CDH4: variants seen among roughly 807,000 people sequenced by gnomAD.
CDH4 encodes cadherin-4.
Under a neutral mutation model 86.0 loss-of-function variants are expected in CDH4, and 33 were observed. The ratio of observed to expected loss-of-function variants is 0.38; its 90% CI spans 0.29 to 0.51. The LOEUF is 0.51. Ranked by LOEUF, CDH4 falls within the 20% of genes least tolerant of loss-of-function variation. The pLI, the probability that CDH4 is intolerant of heterozygous loss-of-function variation, is 0.86. For missense variants in CDH4, 1,114 were observed against 1,307.4 expected, an observed-to-expected ratio of 0.85 and a Z score of 2.28; for synonymous variants, 555 against 549.4, an observed-to-expected ratio of 1.01 and a Z score of -0.14.
chr20:61,255,845 T>C (rs1458696468), intron 2 of CDH4, among the ~76,000 whole-genome samples: 1 of 152,196 alleles, frequency 6.6e-6, no homozygotes, highest in Non-Finnish European at 1.5e-5. Flanking sequence ...GTGAAGTGAT[T>C]TTTCAGATCC....
At chr20:61,753,923 G>T (rs2088528080) in intron 3 of CDH4, among the ~76,000 whole-genome samples, 1 of 152,080 alleles carries the variant, frequency 6.6e-6, no homozygotes, top group Non-Finnish European at 1.5e-5. Flanking sequence ...GGAAATAGGG[G>T]GTTTGCCGAT....
intron 2 of CDH4, among the ~76,000 whole-genome samples, chr20:61,677,069 T>C (rs2145852588): frequency 6.6e-6 from 1 of 152,310 alleles, no homozygotes; most frequent in South Asian, 2.1e-4. Flanking sequence ...CCTTGTCACC[T>C]GTCATGAGGA....
chr20:61,457,415 T>A (rs1316577100), intron 2 of CDH4, among the ~76,000 whole-genome samples: 1 of 152,206 alleles, frequency 6.6e-6, no homozygotes, highest in Non-Finnish European at 1.5e-5. Context: ...CCTGAGAAAT[T>A]CAACTCCCAA....
intron 2 of CDH4, among the ~76,000 whole-genome samples, chr20:61,678,654 A>C (rs1022597398): frequency 6.6e-6 from 1 of 152,142 alleles, no homozygotes; most frequent in African/African-American, 2.4e-5. Flanking sequence ...GGGAGTCTGA[A>C]ATCCAGGTGT....
intron 3 of CDH4, among the ~76,000 whole-genome samples, chr20:61,768,444 T>C (rs574017570): frequency 6.6e-6 from 1 of 152,310 alleles, no homozygotes; most frequent in African/African-American, 2.4e-5. Context: ...TTTCTGGTAA[T>C]GGTGTAGTAG....
At chr20:61,880,607 A>C (rs1316550890) in intron 7 of CDH4, among the ~76,000 whole-genome samples, 1 of 152,146 alleles carries the variant, frequency 6.6e-6, no homozygotes, top group Non-Finnish European at 1.5e-5. Context: ...GGCGTCCCCC[A>C]AGTGTGGGGC....
intron 2 of CDH4, among the ~76,000 whole-genome samples, chr20:61,546,482 C>T (rs951779874): frequency 3.3e-5 from 5 of 151,700 alleles, no homozygotes; most frequent in African/African-American, 9.7e-5. Flanking sequence ...TCCAGTGACT[C>T]GCAACATTTT....
intron 6 of CDH4, among the ~76,000 whole-genome samples, chr20:61,858,953 G>A (rs142448027): frequency 6.6e-5 from 10 of 152,270 alleles, no homozygotes; most frequent in African/African-American, 1.7e-4. Flanking sequence ...GGGTCATCTC[G>A]GGAGCAGGCG....
intron 2 of CDH4, among the ~76,000 whole-genome samples, chr20:61,387,675 G>C (rs761265640): frequency 3.9e-5 from 6 of 152,220 alleles, no homozygotes; most frequent in Admixed American, 6.5e-5. Flanking sequence ...CTGTGCTCAG[G>C]TACGTAATTA....
intron 2 of CDH4, among the ~76,000 whole-genome samples, chr20:61,466,946 A>G (rs898807844): frequency 2.6e-5 from 4 of 152,156 alleles, no homozygotes; most frequent in Non-Finnish European, 5.9e-5. Context: ...TAGTTGCTAA[A>G]AGCATTGGTT....
At chr20:61,615,751 TC>T (rs1372393218) in intron 2 of CDH4, among the ~76,000 whole-genome samples, 1 of 152,196 alleles carries the variant, frequency 6.6e-6, no homozygotes, top group Non-Finnish European at 1.5e-5. Context: ...TTCTATGAAA[TC>T]AGCATGTATA....
chr20:61,726,385 A>G (rs1228760829), intron 2 of CDH4, among the ~76,000 whole-genome samples: 1 of 152,084 alleles, frequency 6.6e-6, no homozygotes. Context: ...TACATCTTGA[A>G]GGCAGAGACT....
At position 61,681,802 on chromosome 20, in the gene CDH4, C is replaced by CTGG. The variant is rs2087517399; in HGVS notation, c.170-61758_170-61756dup. On this transcript the variant is annotated intron_variant, in intron 2 of 15. Coordinates refer to ENST00000614565, the MANE Select transcript of CDH4 (RefSeq NM_001794.5). The surrounding 1 kb of genome is among the most constrained non-coding windows in gnomAD (Gnocchi z 4.5). ...GTGCAGCTGACATTCCTTTGGCTTC[C>CTGG]TGGTGATGGAGGGACAGACAGAGCA... is the stretch of plus-strand genomic sequence containing the variant. Among the ~76,000 whole-genome samples the CTGG allele has an allele frequency of 6.6e-6, 1 of 152,192 alleles. No individual in the cohort carries two copies. Among genetic ancestry groups the CTGG allele is most frequent in the African/African-American group, 2.4e-5 (1 of 41,446 alleles).
In CDH4 at chr20:61,582,749, G is replaced by A. The variant is rs146105691; in HGVS notation, c.170-160814G>A. On this transcript the variant is annotated intron_variant, in intron 2 of 15. Coordinates refer to ENST00000614565, the MANE Select transcript of CDH4 (RefSeq NM_001794.5). This position sits in a 1 kb window ranked among gnomAD's most constrained non-coding sequence, Gnocchi z 4.2. ...CAGATGTCCTGTTGGTGCCCAGCAC[G>A]CCTGCCCTTCGTTTCTTTAACAGTT... Among the ~76,000 whole-genome samples, 1,399 of 152,142 alleles carry A rather than the reference G, an allele frequency of 9.2e-3. 26 individuals are homozygous for A. Among genetic ancestry groups the A allele is most frequent in the African/African-American group, 0.033 (1,349 of 41,504 alleles).
At chr20:61,275,338 C>T (rs1363989079) in intron 2 of CDH4, among the ~76,000 whole-genome samples, 4 of 95,052 alleles carry the variant, frequency 4.2e-5, no homozygotes, top group African/African-American at 1.3e-4. Flanking sequence ...GGGAGAGTAC[C>T]GTGCGCAGTT....
intron 2 of CDH4, among the ~76,000 whole-genome samples, chr20:61,406,708 G>C (rs1254312121): frequency 3.8e-5 from 5 of 130,062 alleles, no homozygotes; most frequent in Admixed American, 7.9e-5. Flanking sequence ...CATCTGCTCT[G>C]CCTGGACCAC....
chr20:61,278,191 T>C (rs913614193), intron 2 of CDH4, among the ~76,000 whole-genome samples: 1 of 152,246 alleles, frequency 6.6e-6, no homozygotes, highest in African/African-American at 2.4e-5. Context: ...CATCCTTCCC[T>C]GAGTAACTCC....
chr20:61,688,072 A>G (rs1480110168), intron 2 of CDH4, among the ~76,000 whole-genome samples: 2 of 152,118 alleles, frequency 1.3e-5, no homozygotes, highest in Non-Finnish European at 2.9e-5. Context: ...AGTGGGGTGG[A>G]CAGGATCACA....
At chr20:61,822,526 T>C (rs912473592) in intron 4 of CDH4, among the ~76,000 whole-genome samples, 3 of 152,088 alleles carry the variant, frequency 2.0e-5, no homozygotes, top group Non-Finnish European at 2.9e-5. Flanking sequence ...ATCTACAAGG[T>C]ATTCCGTGGT....
Sources: gnomAD v4.1 joint callset for allele counts (sites outside exome capture counted in the v4.1 genomes callset) on GRCh38, gnomAD v4.1.1 for gene constraint, Gnocchi (gnomAD v3.1) non-coding constraint, MANE v1.5 for transcripts, NCBI Gene and HGNC (gene_info 2026-07-23, HGNC 2026-07-21) for gene names.